Variants in SRBD1 observed in about 807,000 individuals in gnomAD.
The protein encoded by SRBD1 is S1 RNA-binding domain-containing protein 1.
SRBD1 carries 88 observed loss-of-function variants against 115.3 expected under a neutral mutation model. The observed-to-expected ratio is 0.76, with a 90% CI of 0.64 to 0.91. The LOEUF is 0.91. Ranked by LOEUF, SRBD1 falls within the 40% of genes least tolerant of loss-of-function variation. SRBD1 has a pLI of 0.00. For synonymous variants in SRBD1, 509 were observed against 407.7 expected, an observed-to-expected ratio of 1.25 and a Z score of -2.99; for missense variants, 1,385 against 1,177.4, an observed-to-expected ratio of 1.18 and a Z score of -2.58.
At chr2:45,547,064 A>G (rs892982381) in intron 13 of SRBD1, among the ~76,000 whole-genome samples, 1 of 152,188 alleles carries the variant, frequency 6.6e-6, no homozygotes, top group African/African-American at 2.4e-5. Flanking sequence ...TTACTGTCAC[A>G]CTATCTCAAA....
At chr2:45,414,721 CACACACACAGTGTGTATATAGTATGT>C (rs1558563313) in intron 18 of SRBD1, among the ~76,000 whole-genome samples, 1,451 of 124,672 alleles carry the variant, frequency 0.012, 104 homozygotes, top group African/African-American at 0.034. Flanking sequence ...TATGTATATA[CACACACACAGTGTGTATATAGTATGT>C]ACACACACAC....
intron 11 of SRBD1, 29 bp downstream of exon 11, chr2:45,553,594 C>A (rs1290725171): frequency 5.5e-6 from 8 of 1,448,854 alleles, no homozygotes; most frequent in Admixed American, 2.2e-5. Flanking sequence ...ATAATCAGTA[C>A]ACAAAATTAA....
intron 19 of SRBD1, among the ~76,000 whole-genome samples, chr2:45,400,144 C>T (rs928382487): frequency 1.3e-5 from 2 of 152,042 alleles, no homozygotes; most frequent in East Asian, 1.9e-4. Context: ...TCTGAATGGG[C>T]AAAAACGTTA....
chr2:45,511,832 A>G (rs1670981394), intron 14 of SRBD1, among the ~76,000 whole-genome samples: 1 of 152,178 alleles, frequency 6.6e-6, no homozygotes, highest in Admixed American at 6.6e-5. Context: ...CAAACAGATC[A>G]TTTCCTATTG....
rs753292588 is a variant in SRBD1, at chr2:45,389,360, T to C, written c.2938A>G (p.Ile980Val). Residue 980 changes from isoleucine (I) to valine (V), a missense_variant, in exon 21 of 21, where the codon ATT (isoleucine) becomes GTT (valine). Coordinates refer to ENST00000263736, the MANE Select transcript of SRBD1 (RefSeq NM_018079.5). ...GTAATCCTAGATCGGGGGATGTCAA[T>C]GTTGAGTACTTGGACTTCCACTCTT... ...GERVEVQVLN[I>V]DIPRSRITLD... 1 of 1,614,074 alleles carries C rather than the reference T, an allele frequency of 6.2e-7. No homozygotes were observed. The highest frequency in any genetic ancestry group is 2.2e-5 in the East Asian group (1 of 44,874).
chr2:45,395,033 G>A (rs1048279961), intron 19 of SRBD1, among the ~76,000 whole-genome samples: 2 of 152,210 alleles, frequency 1.3e-5, no homozygotes, highest in African/African-American at 4.8e-5. Flanking sequence ...AGCTGCTGGA[G>A]CTCTGACTGA....
At chr2:45,395,211 C>T (rs1464815506) in intron 19 of SRBD1, among the ~76,000 whole-genome samples, 1 of 152,200 alleles carries the variant, frequency 6.6e-6, no homozygotes, top group African/African-American at 2.4e-5. Flanking sequence ...AAGATTCTGG[C>T]TTCTAACCAT....
rs747827680 is a variant in SRBD1, at chr2:45,553,658, T to G, written c.1482A>C (p.Lys494Asn). The change falls in exon 11 of 21, where the codon AAA becomes AAC. Residue 494 changes from lysine to asparagine, a missense_variant. Lys to Asn is a moderately conservative substitution (Grantham distance 94). Transcript: ENST00000263736. ...TACAGAGAAGAGGATAAATAAGGCG[T>G]TTAAAGGAATCATTCAGTGAATTAT... ...ILYNSLNDSFKRLIYPLLCRE... is the reference protein window; with the variant it reads ...ILYNSLNDSFNRLIYPLLCRE... The G allele has an allele frequency of 6.2e-7, 1 of 1,606,316 alleles. No individual in the cohort carries two copies. Among genetic ancestry groups the G allele is most frequent in the Non-Finnish European group, 8.5e-7 (1 of 1,176,856 alleles).
At chr2:45,498,276 T>A (rs1670522290) in intron 14 of SRBD1, among the ~76,000 whole-genome samples, 1 of 152,180 alleles carries the variant, frequency 6.6e-6, no homozygotes, top group Non-Finnish European at 1.5e-5. Flanking sequence ...TAACTGTTCT[T>A]TACGTATTCT....
intron 14 of SRBD1, among the ~76,000 whole-genome samples, chr2:45,531,109 T>C: frequency 6.6e-6 from 1 of 151,966 alleles, no homozygotes; most frequent in African/African-American, 2.4e-5. Flanking sequence ...TACTGATGGT[T>C]ACAGTCTGTC....
At chr2:45,570,726 C>A (rs1435607404) in intron 9 of SRBD1, among the ~76,000 whole-genome samples, 1 of 152,162 alleles carries the variant, frequency 6.6e-6, no homozygotes, top group Non-Finnish European at 1.5e-5. Context: ...CTGAAGATGA[C>A]AGCCCACGTT....
chr2:45,459,186 A>G (rs1669240469), intron 16 of SRBD1, among the ~76,000 whole-genome samples: 1 of 152,206 alleles, frequency 6.6e-6, no homozygotes, highest in Non-Finnish European at 1.5e-5. Context: ...ACACAAGGAT[A>G]ACAAGTAAAA....
chr2:45,585,927 T>G (rs994020379), intron 4 of SRBD1, among the ~76,000 whole-genome samples, 153 bp from the exon 5 acceptor site: 2 of 152,196 alleles, frequency 1.3e-5, no homozygotes, highest in African/African-American at 4.8e-5. Flanking sequence ...ATAAAATACA[T>G]GTATCCATTG....
At chr2:45,598,823 G>A (rs1673989972) in intron 4 of SRBD1, among the ~76,000 whole-genome samples, 1 of 152,058 alleles carries the variant, frequency 6.6e-6, no homozygotes, top group African/African-American at 2.4e-5. Flanking sequence ...CCTACCCTGA[G>A]AGGCACTACC....
At chr2:45,537,049 T>C (rs1247585353) in intron 14 of SRBD1, among the ~76,000 whole-genome samples, 1 of 152,188 alleles carries the variant, frequency 6.6e-6, no homozygotes, top group Non-Finnish European at 1.5e-5. Flanking sequence ...ATTTAACTTT[T>C]TAAAAATGCT....
intron 16 of SRBD1, among the ~76,000 whole-genome samples, chr2:45,474,134 A>G: frequency 6.6e-6 from 1 of 152,280 alleles, no homozygotes; most frequent in East Asian, 1.9e-4. Flanking sequence ...TTTAATACAT[A>G]TTTCTTTATA....
At chr2:45,500,285 G>A (rs1357992517) in intron 14 of SRBD1, among the ~76,000 whole-genome samples, 1 of 151,154 alleles carries the variant, frequency 6.6e-6, no homozygotes, top group African/African-American at 2.4e-5. Flanking sequence ...GTCTCTGTGT[G>A]TGTGTGTGTG....
At chr2:45,559,785 A>G (rs1672601850) in intron 10 of SRBD1, among the ~76,000 whole-genome samples, 1 of 152,148 alleles carries the variant, frequency 6.6e-6, no homozygotes, top group South Asian at 2.1e-4. Flanking sequence ...ATGAAGAAAA[A>G]GTTTCAGGCC....
chr2:45,391,419 T>C (rs555415531), intron 20 of SRBD1, among the ~76,000 whole-genome samples: 44 of 152,270 alleles, frequency 2.9e-4, no homozygotes, highest in Non-Finnish European at 5.6e-4. Context: ...AGAAAGGAAA[T>C]ACTTTTGAGA....
Sources: allele counts gnomAD v4.1 joint callset (sites outside exome capture counted in the v4.1 genomes callset), GRCh38; gene constraint gnomAD v4.1.1; transcripts MANE v1.5; gene names NCBI Gene and HGNC (gene_info 2026-07-23, HGNC 2026-07-21).